Variants in STK3 observed in about 807,000 individuals in gnomAD.
STK3 encodes the protein serine/threonine kinase 3.
A neutral mutation model predicts 58.0 loss-of-function variants in STK3; 41 were observed. The ratio of observed to expected loss-of-function variants is 0.71; its 90% CI spans 0.55 to 0.92. The LOEUF (loss-of-function observed/expected upper bound fraction) is 0.92. Ranked by LOEUF, STK3 falls within the 40% of genes least tolerant of loss-of-function variation. The pLI, the probability that STK3 is intolerant of heterozygous loss-of-function variation, is 0.00. For synonymous variants in STK3, 170 were observed against 191.0 expected, an observed-to-expected ratio of 0.89 and a Z score of 0.91; for missense variants, 479 against 602.7, an observed-to-expected ratio of 0.79 and a Z score of 2.15.
intron 7 of STK3, among the ~76,000 whole-genome samples, chr8:98,583,642 A>C (rs1814140387): frequency 6.6e-6 from 1 of 152,134 alleles, no homozygotes; most frequent in Admixed American, 6.5e-5. Flanking sequence ...GAAACTTTTC[A>C]AGGTTATTTC....
At position 98,584,093 on chromosome 8, in the gene STK3, G is replaced by GT. The variant is rs1042613979; in HGVS notation, c.823-4305dup. Among the ~76,000 whole-genome samples the GT allele has an allele frequency of 1.9e-3, 282 of 149,948 alleles. 2 individuals are homozygous for GT. The highest frequency in any genetic ancestry group is 6.8e-3 in the Middle Eastern group (2 of 294). Reference sequence around the variant, plus strand: ...TAGTGAAAATCTTTTTTTTTTTAAAGTTTTTTTTTCTTTTATTATTATACT... The same window carrying GT: ...TAGTGAAAATCTTTTTTTTTTTAAAGTTTTTTTTTTCTTTTATTATTATACT... On this transcript the variant is annotated intron_variant, in intron 7 of 10. Transcript: ENST00000419617.
intron 4 of STK3, among the ~76,000 whole-genome samples, chr8:98,714,526 T>C (rs889340133): frequency 7.2e-5 from 11 of 152,134 alleles, no homozygotes; most frequent in African/African-American, 2.7e-4. Context: ...TGAACTACCA[T>C]TCACAATTGC....
intron 3 of STK3, among the ~76,000 whole-genome samples, chr8:98,876,284 G>GA (rs1837557733): frequency 6.6e-6 from 1 of 152,154 alleles, no homozygotes. Flanking sequence ...ACAAAAGCAG[G>GA]CTCACTTGAT....
intron 1 of STK3, among the ~76,000 whole-genome samples, chr8:98,928,372 T>C (rs1839882634): frequency 6.6e-6 from 1 of 152,154 alleles, no homozygotes; most frequent in Non-Finnish European, 1.5e-5. Context: ...TGCTGGTTGA[T>C]CACAAAAAGG....
At chr8:98,815,952 T>C (rs1466036858) in intron 1 of STK3, among the ~76,000 whole-genome samples, 2 of 152,182 alleles carry the variant, frequency 1.3e-5, no homozygotes, top group African/African-American at 2.4e-5. Flanking sequence ...AATTAGACAT[T>C]ATGATATTCC....
At chr8:98,441,505 G>C (rs1224819146) in intron 1 of STK3, among the ~76,000 whole-genome samples, 1 of 152,178 alleles carries the variant, frequency 6.6e-6, no homozygotes, top group African/African-American at 2.4e-5. Context: ...CTGGCAAGTG[G>C]CAGAGCTGGG....
chr8:98,824,378 G>C (rs1835111845), intron 1 of STK3, among the ~76,000 whole-genome samples: 1 of 152,152 alleles, frequency 6.6e-6, no homozygotes, highest in South Asian at 2.1e-4. Context: ...AATCAATAGA[G>C]AGCTGCACTT....
At chr8:98,738,890 A>G (rs1016365642) in intron 4 of STK3, among the ~76,000 whole-genome samples, 1 of 152,256 alleles carries the variant, frequency 6.6e-6, no homozygotes, top group Non-Finnish European at 1.5e-5. Flanking sequence ...TCCCACCCGA[A>G]TACTGCGCTT....
downstream of STK3, among the ~76,000 whole-genome samples, chr8:98,370,088 A>ATT (rs5893462): frequency 7.4e-4 from 94 of 127,622 alleles, no homozygotes; most frequent in African/African-American, 1.3e-3. Flanking sequence ...TGGGATTTTG[A>ATT]TTTTTTTTTT....
chr8:98,695,988 A>G (rs2130987333), intron 6 of STK3, among the ~76,000 whole-genome samples: 1 of 152,088 alleles, frequency 6.6e-6, no homozygotes, highest in East Asian at 1.9e-4. Flanking sequence ...GATTCTTCCT[A>G]CCCATGAGCA....
chr8:98,461,592 G>A (rs1378904725), intron 10 of STK3, among the ~76,000 whole-genome samples: 1 of 152,084 alleles, frequency 6.6e-6, no homozygotes, highest in African/African-American at 2.4e-5. Context: ...TGAGTTTTAC[G>A]CTTTCAAGAG....
At chr8:98,370,547 C>T (rs1294881820), downstream of STK3, among the ~76,000 whole-genome samples, 1 of 152,080 alleles carries the variant, frequency 6.6e-6, no homozygotes, top group Non-Finnish European at 1.5e-5. Context: ...CCATCATCTC[C>T]CGGCTACTCA....
At chr8:98,448,745 T>C (rs1330030413) in intron 1 of STK3, among the ~76,000 whole-genome samples, 1 of 152,190 alleles carries the variant, frequency 6.6e-6, no homozygotes, top group African/African-American at 2.4e-5. Flanking sequence ...TCTCATAAAA[T>C]GACATAGACT....
chr8:98,514,373 A>C (rs960371682), intron 10 of STK3, among the ~76,000 whole-genome samples: 2 of 152,152 alleles, frequency 1.3e-5, no homozygotes, highest in African/African-American at 4.8e-5. Context: ...TTTTTTAAAA[A>C]AAGTAATTTC....
intron 3 of STK3, among the ~76,000 whole-genome samples, chr8:98,407,498 C>G (rs1244555620): frequency 6.6e-6 from 1 of 152,166 alleles, no homozygotes; most frequent in African/African-American, 2.4e-5. Flanking sequence ...AGAACCAGCT[C>G]GACTTGAAAG....
chr8:98,513,798 T>A (rs535882305), intron 10 of STK3, among the ~76,000 whole-genome samples: 1 of 152,090 alleles, frequency 6.6e-6, no homozygotes, highest in African/African-American at 2.4e-5. Context: ...GAACCAGGAC[T>A]GGGGAAGAAG....
chr8:98,855,058 AAACAAC>A (rs374263713), intron 3 of STK3, among the ~76,000 whole-genome samples: 69 of 151,966 alleles, frequency 4.5e-4, no homozygotes, highest in Non-Finnish European at 5.4e-4. Context: ...CGCTGTCTCA[AAACAAC>A]AACAACAACA....
the STK3 span, among the ~76,000 whole-genome samples, chr8:98,364,480 A>G: frequency 6.6e-6 from 1 of 152,138 alleles, no homozygotes; most frequent in Non-Finnish European, 1.5e-5. Context: ...AAGAGCCCCA[A>G]TTCCAAGCCA....
At chr8:98,357,219 T>C in the STK3 span, among the ~76,000 whole-genome samples, 1 of 152,160 alleles carries the variant, frequency 6.6e-6, no homozygotes, top group Admixed American at 6.5e-5. Context: ...ACTATAGAGA[T>C]GCAAATTGGG....
Sources: allele counts gnomAD v4.1 joint callset (sites outside exome capture counted in the v4.1 genomes callset), GRCh38; gene constraint gnomAD v4.1.1; transcripts MANE v1.5; gene names NCBI Gene and HGNC (gene_info 2026-07-23, HGNC 2026-07-21).